Variants in UGDH observed in about 807,000 individuals in gnomAD.
UGDH encodes UDP-glucose 6-dehydrogenase.
Under a neutral mutation model 50.6 loss-of-function variants are expected in UGDH, and 38 were observed. That is an observed-to-expected ratio of 0.75 (90% CI 0.58 to 0.98). The LOEUF (loss-of-function observed/expected upper bound fraction) is 0.98, where lower values mean the gene tolerates loss of function less well. UGDH is among the 50% of genes least tolerant of loss of function. The pLI is 0.00. For synonymous variants in UGDH, 168 were observed against 199.9 expected, an observed-to-expected ratio of 0.84 and a Z score of 1.35; for missense variants, 465 against 606.2, an observed-to-expected ratio of 0.77 and a Z score of 2.45.
At chr4:39,500,653 C>CTTTTTTTTTTTTTTTTTTTTTT (rs11284301) in intron 11 of UGDH, among the ~76,000 whole-genome samples, 2 of 135,222 alleles carry the variant, frequency 1.5e-5, no homozygotes, top group African/African-American at 2.7e-5. Flanking sequence ...GCATAATTCT[C>CTTTTTTTTTTTTTTTTTTTTTT]TTTTTTTTTT....
intron 7 of UGDH, among the ~76,000 whole-genome samples, chr4:39,506,968 G>A (rs926530402): frequency 2.0e-5 from 3 of 152,114 alleles, no homozygotes; most frequent in African/African-American, 7.2e-5. Flanking sequence ...ATCTAGGCTG[G>A]ACAACACAGT....
At chr4:39,526,709 C>G (rs1746910411) in intron 1 of UGDH, among the ~76,000 whole-genome samples, 1 of 152,158 alleles carries the variant, frequency 6.6e-6, no homozygotes, top group Non-Finnish European at 1.5e-5. Flanking sequence ...GAAAGGCCTT[C>G]CCCGACATCA....
intron 2 of UGDH, among the ~76,000 whole-genome samples, chr4:39,517,101 C>G (rs76706964): frequency 0.074 from 11,206 of 151,828 alleles, 474 homozygotes; most frequent in Middle Eastern, 0.16. Flanking sequence ...TAGAAGAACT[C>G]AAATCCTTTC....
chr4:39,503,234 G>A (rs1745895647), intron 11 of UGDH, among the ~76,000 whole-genome samples: 1 of 152,040 alleles, frequency 6.6e-6, no homozygotes, highest in African/African-American at 2.4e-5. Context: ...TTTGTTAATA[G>A]ACACGGGGTT....
At chr4:39,509,621 C>G in intron 6 of UGDH, 139 bp downstream of exon 6, 1 of 1,004,016 alleles carries the variant, frequency 1.0e-6, no homozygotes, top group South Asian at 2.1e-5. Flanking sequence ...TCTGAATCAT[C>G]TCTAAAAAAG....
At chr4:39,504,666 T>C (rs532498296) in intron 9 of UGDH, among the ~76,000 whole-genome samples, 158 bp from the exon 10 acceptor site, 1 of 152,332 alleles carries the variant, frequency 6.6e-6, no homozygotes, top group South Asian at 2.1e-4. Context: ...CACACATACC[T>C]GTTTTTTGAA....
At chr4:39,500,653 C>CTTTTTTTTTTTTTTTTTTT (rs11284301) in intron 11 of UGDH, among the ~76,000 whole-genome samples, 14 of 135,222 alleles carry the variant, frequency 1.0e-4, no homozygotes, top group Non-Finnish European at 1.1e-4. Context: ...GCATAATTCT[C>CTTTTTTTTTTTTTTTTTTT]TTTTTTTTTT....
At chr4:39,509,608 G>A (rs560741608) in intron 6 of UGDH, 152 bp downstream of exon 6, 1 of 879,768 alleles carries the variant, frequency 1.1e-6, no homozygotes. Context: ...AAATTTCCCT[G>A]AGTCTGAATC....
At chr4:39,516,401 A>G (rs1182051387) in intron 2 of UGDH, among the ~76,000 whole-genome samples, 2 of 152,198 alleles carry the variant, frequency 1.3e-5, no homozygotes, top group Non-Finnish European at 2.9e-5. Context: ...AACTGTTGAA[A>G]CAAGATGATG....
intron 2 of UGDH, among the ~76,000 whole-genome samples, chr4:39,514,962 A>G (rs1746389397): frequency 6.6e-6 from 1 of 151,386 alleles, no homozygotes; most frequent in South Asian, 2.1e-4. Context: ...GATTACACGC[A>G]CAAGCCACCA....
Position 39,505,250 on chromosome 4 carries a change from T to C in UGDH, c.1158A>G (p.Ser386=), listed in dbSNP as rs1745979119. The change falls in exon 9 of 12, where the codon TCA becomes TCG. Residue 386 remains serine, a synonymous_variant. Coordinates refer to ENST00000316423, the MANE Select transcript of UGDH (RefSeq NM_003359.4). ...IVVDLSHPGV[S]EDDQVSRLVT... The stretch of plus-strand genomic sequence containing the variant: ...TCAAAGCCTTACCTTGGTCATCCTC[T>C]GAAACACCTGGATGAGAAAGATCCA... The C allele has an allele frequency of 1.3e-6, 2 of 1,592,984 alleles. No homozygotes were observed. Among genetic ancestry groups the C allele is most frequent in the Non-Finnish European group, 1.7e-6 (2 of 1,173,656 alleles).
chr4:39,502,450 T>C (rs1435361189), intron 11 of UGDH, among the ~76,000 whole-genome samples: 1 of 152,212 alleles, frequency 6.6e-6, no homozygotes, highest in Non-Finnish European at 1.5e-5. Context: ...GCCTTACTGA[T>C]ACCTCTCCAA....
rs777622665 is a variant in UGDH at position 39,505,299 on chromosome 4, T to G, written c.1109A>C (p.Lys370Thr). The change falls in exon 9 of 12, where the codon AAA (lysine) becomes ACA (threonine). Residue 370 changes from lysine (K) to threonine (T), a missense_variant. Lys to Thr is a moderately conservative substitution (Grantham distance 78, BLOSUM62 -1). Transcript: ENST00000316423. ...CACAACTATTTGTTCCCTAGGTACT[T>G]TTGGATCATATATATGTAGATGTGC... ...EGAHLHIYDP[K>T]VPREQIVVDL... 1 of 1,604,934 alleles carries G rather than the reference T, an allele frequency of 6.2e-7. No individual in the cohort carries two copies. Among genetic ancestry groups the G allele is most frequent in the Admixed American group, 1.7e-5 (1 of 58,690 alleles).
At chr4:39,509,687 C>G (rs1182672586) in intron 6 of UGDH, 73 bp downstream of exon 6, 2 of 1,515,606 alleles carry the variant, frequency 1.3e-6, no homozygotes, top group African/African-American at 2.8e-5. Flanking sequence ...ATATAAAGCG[C>G]TGGTACCAGC....
chr4:39,520,733 T>A (rs911716544), intron 2 of UGDH, among the ~76,000 whole-genome samples: 2 of 151,734 alleles, frequency 1.3e-5, no homozygotes, highest in African/African-American at 4.8e-5. Context: ...ATACCACTTT[T>A]TAATTTTATT....
At chr4:39,520,958 A>G (rs1198789449) in intron 2 of UGDH, among the ~76,000 whole-genome samples, 7 of 151,544 alleles carry the variant, frequency 4.6e-5, no homozygotes, top group Non-Finnish European at 8.8e-5. Flanking sequence ...CTGTAATCCC[A>G]GCTACTCAAG....
chr4:39,505,647 A>G lies in UGDH; in HGVS notation c.1008T>C (p.Phe336=), dbSNP rs1745996965. The part of the protein sequence containing the change: ...VTDKKIAILG[F]AFKKDTGDTR... ...TATCACCAGTGTCCTTTTTGAATGC[A>G]AATCCCAAAATAGCTATCTTCTTAT... Residue 336 remains phenylalanine, a synonymous_variant, in exon 8 of 12, where the codon TTT becomes TTC. Coordinates refer to ENST00000316423, the MANE Select transcript of UGDH (RefSeq NM_003359.4). 1 of 1,604,984 alleles carries G rather than the reference A, an allele frequency of 6.2e-7. No homozygotes were observed. Among genetic ancestry groups the G allele is most frequent in the African/African-American group, 1.3e-5 (1 of 74,686 alleles).
rs765459376 is a variant in UGDH at position 39,505,776 on chromosome 4, G to T, written c.907-28C>A. The T allele has an allele frequency of 2.5e-6, 4 of 1,581,218 alleles. No individual in the cohort carries two copies. The East Asian group carries it at 6.8e-5, about 27-fold the overall frequency. ...GAAATTACATGTACAATTGTGCAAT[G>T]ATTAGTTAAAAGAGGCACAGCCTAT... On this transcript the variant is annotated intron_variant, in intron 7 of 11. Transcript: ENST00000316423.
At chr4:39,518,166 G>A (rs1746507496) in intron 2 of UGDH, among the ~76,000 whole-genome samples, 1 of 152,020 alleles carries the variant, frequency 6.6e-6, no homozygotes, top group Admixed American at 6.6e-5. Flanking sequence ...CCTGACCTCA[G>A]GTGATCCGCC....
Sources: allele counts gnomAD v4.1 joint callset (sites outside exome capture counted in the v4.1 genomes callset), GRCh38; gene constraint gnomAD v4.1.1; transcripts MANE v1.5; gene names NCBI Gene and HGNC (gene_info 2026-07-23, HGNC 2026-07-21).